The following HIVEP3 variants were observed in gnomAD, a reference collection of about 807,000 sequenced individuals.
The protein encoded by HIVEP3 is transcription factor HIVEP3.
HIVEP3 carries 49 observed loss-of-function variants against 152.8 expected under a neutral mutation model. That is an observed-to-expected ratio of 0.32 (90% CI 0.26 to 0.41). HIVEP3 has a LOEUF of 0.41. Among genes scored for constraint, HIVEP3 ranks in the 10% least tolerant of loss-of-function variants. The pLI, the probability that HIVEP3 is intolerant of heterozygous loss-of-function variation, is 1.00. For missense variants in HIVEP3, 2,790 were observed against 3,103.3 expected (o/e 0.90, Z 2.40); for synonymous variants, 1,269 against 1,289.0 (o/e 0.98, Z 0.33).
chr1:41,580,360 T>C lies in HIVEP3; in HGVS notation c.4438A>G (p.Arg1480Gly). 1.2e-6 allele frequency: 2 copies of C among 1,614,226 alleles called. No homozygotes were observed. The highest frequency in any genetic ancestry group is 2.2e-5 in the South Asian group (2 of 91,084). ...TTGCCTAAGTGGGATTTCTCTGGCC[T>C]CTTCCCATCCTCGGTGCTGGTAAGG... ...VVLTSTEDGK[R>G]PEKSHLGNQG... is the part of the protein sequence containing the mutation. The change falls in exon 4 of 9, where the codon AGG (arginine) becomes GGG (glycine). Residue 1480 changes from arginine (R) to glycine (G), a missense_variant. This residue lies in a region of HIVEP3 where 1,078 missense variants were observed against 1,165.3 expected (regional missense o/e 0.93). Coordinates refer to ENST00000372583, the MANE Select transcript of HIVEP3 (RefSeq NM_024503.5).
intron 6 of HIVEP3, among the ~76,000 whole-genome samples, chr1:41,518,701 C>T (rs1642677506): frequency 6.6e-6 from 1 of 151,834 alleles, no homozygotes; most frequent in South Asian, 2.1e-4. Context: ...GGGCAGTGCA[C>T]AGCAGCTAGG....
At chr1:41,879,305 G>C (rs746414582) in intron 1 of HIVEP3, among the ~76,000 whole-genome samples, 1 of 152,112 alleles carries the variant, frequency 6.6e-6, no homozygotes, top group Non-Finnish European at 1.5e-5. Context: ...TGTGCCATTC[G>C]CCAAGGAATA....
chr1:41,535,928 G>A, intron 5 of HIVEP3: 1 of 151,894 alleles, frequency 6.6e-6, no homozygotes, highest in Non-Finnish European at 1.5e-5. Flanking sequence ...AACTTCTCCT[G>A]CAATCCCCAT....
intron 2 of HIVEP3, among the ~76,000 whole-genome samples, chr1:41,632,256 T>C (rs953125038): frequency 1.3e-5 from 2 of 152,198 alleles, no homozygotes; most frequent in Non-Finnish European, 2.9e-5. Context: ...TGTTTATTCA[T>C]TTAACAGATG....
chr1:41,734,850 G>A (rs1355659658), intron 1 of HIVEP3, among the ~76,000 whole-genome samples: 2 of 152,214 alleles, frequency 1.3e-5, no homozygotes, highest in Non-Finnish European at 2.9e-5. Flanking sequence ...AAGAGGAAAG[G>A]CAGGTTTAGG....
intron 1 of HIVEP3, among the ~76,000 whole-genome samples, chr1:41,967,085 C>A (rs1041442020): frequency 3.3e-5 from 5 of 152,102 alleles, no homozygotes; most frequent in Non-Finnish European, 7.3e-5. Flanking sequence ...GACTTAGACT[C>A]CCACACAATA....
chr1:41,687,054 T>C (rs1191854534), intron 2 of HIVEP3, among the ~76,000 whole-genome samples: 2 of 151,980 alleles, frequency 1.3e-5, no homozygotes, highest in Non-Finnish European at 2.9e-5. Flanking sequence ...CCATGTTAAG[T>C]AGGGGACCAG....
At chr1:41,773,594 T>C (rs1187230748) in intron 1 of HIVEP3, among the ~76,000 whole-genome samples, 3 of 152,222 alleles carry the variant, frequency 2.0e-5, no homozygotes, top group South Asian at 2.1e-4. Flanking sequence ...CTTCAGCCAA[T>C]TGGTAAATGC....
At chr1:41,532,853 G>T (rs753459969) in intron 5 of HIVEP3, among the ~76,000 whole-genome samples, 1 of 152,182 alleles carries the variant, frequency 6.6e-6, no homozygotes, top group African/African-American at 2.4e-5. Context: ...GATTTGGGAG[G>T]AGGATGACCC....
chr1:41,845,143 C>T (rs935034627), intron 1 of HIVEP3, among the ~76,000 whole-genome samples: 1 of 152,158 alleles, frequency 6.6e-6, no homozygotes, highest in African/African-American at 2.4e-5. Context: ...CCTTGATAGT[C>T]CCCATCTCTT....
chr1:41,757,074 AG>A (rs1647344454), intron 1 of HIVEP3, among the ~76,000 whole-genome samples: 1 of 145,940 alleles, frequency 6.9e-6, no homozygotes, highest in Non-Finnish European at 1.5e-5. Flanking sequence ...CAACATAGCA[AG>A]ACCTTGTCTC....
At chr1:41,555,858 A>T (rs1325671813) in intron 5 of HIVEP3, among the ~76,000 whole-genome samples, 3 of 152,122 alleles carry the variant, frequency 2.0e-5, no homozygotes, top group Non-Finnish European at 4.4e-5. Context: ...TAGTCTATGT[A>T]CCCCATATCA....
intron 5 of HIVEP3, among the ~76,000 whole-genome samples, chr1:41,526,190 GAGAGCCCGCTGGCAGCAAC>G (rs1642897625): frequency 6.6e-6 from 1 of 151,778 alleles, no homozygotes; most frequent in Non-Finnish European, 1.5e-5. Context: ...ACTTGAGGGA[GAGAGCCCGCTGGCAGCAAC>G]AGAACCACCA....
chr1:41,570,331 T>G (rs1644233843), intron 5 of HIVEP3, among the ~76,000 whole-genome samples: 1 of 152,174 alleles, frequency 6.6e-6, no homozygotes. Flanking sequence ...ATAATCCCCA[T>G]GTGTCAAGGG....
At chr1:41,635,712 G>T (rs1038068621) in intron 2 of HIVEP3, among the ~76,000 whole-genome samples, 1 of 151,536 alleles carries the variant, frequency 6.6e-6, no homozygotes, top group African/African-American at 2.4e-5. Context: ...CAACAAAATG[G>T]ACAAATCGGT....
At chr1:41,525,091 G>A (rs534511117) in intron 5 of HIVEP3, among the ~76,000 whole-genome samples, 181 bp from the exon 6 acceptor site, 2 of 152,254 alleles carry the variant, frequency 1.3e-5, no homozygotes, top group Admixed American at 6.5e-5. Flanking sequence ...GATCCACTGC[G>A]GACCCCTGCG....
intron 1 of HIVEP3, among the ~76,000 whole-genome samples, chr1:41,937,155 G>A (rs187900920): frequency 2.4e-4 from 37 of 152,234 alleles, no homozygotes; most frequent in Non-Finnish European, 4.1e-4. Context: ...TATGTGGGGA[G>A]AACTGATCCC....
At chr1:41,565,024 T>C (rs908437382) in intron 5 of HIVEP3, among the ~76,000 whole-genome samples, 3 of 152,144 alleles carry the variant, frequency 2.0e-5, no homozygotes, top group African/African-American at 7.2e-5. Flanking sequence ...CTGCTGAACA[T>C]CTCCAATGTC....
chr1:41,536,056 A>G (rs1225022723), intron 5 of HIVEP3, among the ~76,000 whole-genome samples: 1 of 152,166 alleles, frequency 6.6e-6, no homozygotes, highest in Non-Finnish European at 1.5e-5. Context: ...AGGACGTGAC[A>G]CGTTCCTCTG....
Sources: allele counts gnomAD v4.1 joint callset (sites outside exome capture counted in the v4.1 genomes callset), GRCh38; gene constraint gnomAD v4.1.1; regional missense constraint gnomAD v4.1.1; transcripts MANE v1.5; gene names NCBI Gene and HGNC (gene_info 2026-07-23, HGNC 2026-07-21).